INPP4B: variants seen among roughly 807,000 people sequenced by gnomAD.
The protein encoded by INPP4B is inositol polyphosphate-4-phosphatase type II B.
INPP4B carries 55 observed loss-of-function variants against 122.5 expected under a neutral mutation model. The ratio of observed to expected loss-of-function variants is 0.45; its 90% CI spans 0.36 to 0.56. The LOEUF (loss-of-function observed/expected upper bound fraction) is 0.56, where lower values mean the gene tolerates loss of function less well. INPP4B is among the 20% of genes least tolerant of loss of function. INPP4B has a pLI of 0.00. For synonymous variants in INPP4B, 403 were observed against 388.7 expected (o/e 1.04, Z -0.43); for missense variants, 1,000 against 1,097.7 (o/e 0.91, Z 1.26).
intron 7 of INPP4B, among the ~76,000 whole-genome samples, chr4:142,385,486 G>C (rs930794597): frequency 2.0e-5 from 3 of 152,040 alleles, no homozygotes; most frequent in Admixed American, 6.6e-5. Flanking sequence ...CTAGTGATTA[G>C]TTATAACAAC....
At position 142,308,095 on chromosome 4, in the gene INPP4B, G is replaced by A. The variant is rs560017681; in HGVS notation, c.424-2558C>T. Among the ~76,000 whole-genome samples the A allele has an allele frequency of 1.4e-4, 21 of 152,260 alleles. No homozygotes were observed. In the South Asian group the frequency reaches 4.1e-3, roughly 30 times the overall value. On this transcript the variant is annotated intron_variant, in intron 8 of 25. Coordinates refer to ENST00000262992, the MANE Select transcript of INPP4B (RefSeq NM_001101669.3). ...GGAGCTCCTGTGGAAGCAGAACGTT[G>A]GCTTGTCCATCTCCTAGCTGAGCCC...
chr4:142,391,711 T>C (rs1426073802), intron 7 of INPP4B, among the ~76,000 whole-genome samples: 1 of 152,210 alleles, frequency 6.6e-6, no homozygotes, highest in Non-Finnish European at 1.5e-5. Context: ...TGATTCATCA[T>C]AGAAAAGATA....
intron 25 of INPP4B, among the ~76,000 whole-genome samples, chr4:142,034,960 T>C: frequency 6.6e-6 from 1 of 151,586 alleles, no homozygotes; most frequent in Non-Finnish European, 1.5e-5. Context: ...CACACACACA[T>C]ATACCATCTC....
rs5862604 is a variant in INPP4B, at chr4:142,483,182, C to CTTTTTTT, written c.-190-20463_-190-20457dup. ...TAATAATGACTGGAGTCAGGCTATGCTTTTTTTTTTTTTTTTTTTTTTTTT... is the reference window on the plus strand; with the variant it reads ...TAATAATGACTGGAGTCAGGCTATGCTTTTTTTTTTTTTTTTTTTTTTTTTTTTTTTT... On this transcript the variant is annotated intron_variant, in intron 2 of 25. Transcript: ENST00000262992. 9.5e-4 allele frequency among the ~76,000 whole-genome samples: 46 copies of CTTTTTTT among 48,336 alleles called. 9 individuals carry two copies. Among genetic ancestry groups the CTTTTTTT allele is most frequent in the African/African-American group, 4.4e-3 (44 of 10,094 alleles). The allele number at this position is 48,336 out of a possible 152,430, so 31.7% of individuals were successfully genotyped here.
chr4:142,149,035 T>C (rs1196266475), intron 17 of INPP4B, among the ~76,000 whole-genome samples: 2 of 152,248 alleles, frequency 1.3e-5, no homozygotes, highest in Admixed American at 6.5e-5. Flanking sequence ...GCTGCCTATC[T>C]GGTGGTGAGA....
chr4:142,418,792 T>C (rs1441682826), intron 5 of INPP4B, among the ~76,000 whole-genome samples: 1 of 152,180 alleles, frequency 6.6e-6, no homozygotes, highest in Non-Finnish European at 1.5e-5. Flanking sequence ...TTGAAGCCAT[T>C]GGAAGATCTT....
chr4:142,719,496 G>A (rs1445929044), intron 2 of INPP4B, among the ~76,000 whole-genome samples: 1 of 151,596 alleles, frequency 6.6e-6, no homozygotes, highest in East Asian at 1.9e-4. Flanking sequence ...GCTAATTTTT[G>A]TATTTTTAGT....
At chr4:142,785,487 A>C (rs1250218724) in intron 1 of INPP4B, among the ~76,000 whole-genome samples, 4 of 152,046 alleles carry the variant, frequency 2.6e-5, no homozygotes, top group Non-Finnish European at 4.4e-5. Flanking sequence ...GAACACTCTA[A>C]GAAAGAATCA....
intron 7 of INPP4B, among the ~76,000 whole-genome samples, chr4:142,327,499 A>G (rs1772855607): frequency 6.6e-6 from 1 of 152,098 alleles, no homozygotes; most frequent in Non-Finnish European, 1.5e-5. Context: ...TAGCTCTCCA[A>G]CGAAGAGTCC....
chr4:142,136,994 A>G (rs949807015), intron 18 of INPP4B, among the ~76,000 whole-genome samples: 10 of 152,206 alleles, frequency 6.6e-5, no homozygotes, highest in Non-Finnish European at 5.9e-5. Context: ...CATCCCCATC[A>G]AGATACCAAT....
intron 17 of INPP4B, among the ~76,000 whole-genome samples, chr4:142,148,189 AGTT>A (rs1214366420): frequency 1.5e-4 from 23 of 152,092 alleles, no homozygotes; most frequent in Non-Finnish European, 3.1e-4. Flanking sequence ...TTTGTTCATA[AGTT>A]GTTAACTCTC....
At chr4:142,282,791 A>G (rs1350478309) in intron 9 of INPP4B, among the ~76,000 whole-genome samples, 1 of 152,070 alleles carries the variant, frequency 6.6e-6, no homozygotes, top group Non-Finnish European at 1.5e-5. Flanking sequence ...GTATAATTAC[A>G]GGCAGCATAT....
chr4:142,589,363 C>G (rs1166016492), intron 2 of INPP4B, among the ~76,000 whole-genome samples: 1 of 151,938 alleles, frequency 6.6e-6, no homozygotes, highest in Non-Finnish European at 1.5e-5. Flanking sequence ...AGACAAGACA[C>G]AGACTAGAAT....
At chr4:142,695,356 C>G (rs1198608522) in intron 2 of INPP4B, among the ~76,000 whole-genome samples, 1 of 152,072 alleles carries the variant, frequency 6.6e-6, no homozygotes, top group Non-Finnish European at 1.5e-5. Flanking sequence ...CAAAACAAAC[C>G]TTCTGCCAAA....
At chr4:142,168,536 A>T (rs2065046009) in intron 16 of INPP4B, among the ~76,000 whole-genome samples, 1 of 151,608 alleles carries the variant, frequency 6.6e-6, no homozygotes, top group Admixed American at 6.6e-5. Flanking sequence ...GCAGCCTCTA[A>T]TCTAAGACTA....
chr4:142,652,124 T>A lies in INPP4B; in HGVS notation c.-191+73715A>T, dbSNP rs1433501082. 3.3e-5 allele frequency among the ~76,000 whole-genome samples: 5 copies of A among 152,192 alleles called. No individual in the cohort carries two copies. In the East Asian group the frequency reaches 7.7e-4, roughly 23 times the overall value. ...AACAGAACCAATGACAAAAGCCACA[T>A]GATTATCTCAATAGATGCAGAAAAG... On this transcript the variant is annotated intron_variant, in intron 2 of 25. Coordinates refer to ENST00000262992, the MANE Select transcript of INPP4B (RefSeq NM_001101669.3).
chr4:142,835,941 G>A (rs780719939), intron 1 of INPP4B, among the ~76,000 whole-genome samples: 7 of 152,078 alleles, frequency 4.6e-5, no homozygotes, highest in Non-Finnish European at 7.4e-5. Flanking sequence ...TGAAGCTAAC[G>A]GGGTGCTATG....
chr4:142,785,184 C>A (rs1450408507), intron 1 of INPP4B, among the ~76,000 whole-genome samples: 1 of 152,026 alleles, frequency 6.6e-6, no homozygotes, highest in African/African-American at 2.4e-5. Context: ...GTACCTATAG[C>A]TATAGCAAAC....
chr4:142,758,587 A>G (rs1287703711), intron 1 of INPP4B, among the ~76,000 whole-genome samples: 1 of 152,138 alleles, frequency 6.6e-6, no homozygotes. Flanking sequence ...TGGACTCTGC[A>G]ATTCTATGAT....
Sources: allele counts gnomAD v4.1 joint callset (sites outside exome capture counted in the v4.1 genomes callset), GRCh38; gene constraint gnomAD v4.1.1; transcripts MANE v1.5; gene names NCBI Gene and HGNC (gene_info 2026-07-23, HGNC 2026-07-21).